Variants in RBFOX1 observed in about 807,000 individuals in gnomAD.
RBFOX1 encodes RNA binding fox-1 homolog 1, also known as RNA binding protein fox-1 homolog 1.
Under a neutral mutation model 57.7 loss-of-function variants are expected in RBFOX1, and 8 were observed. The ratio of observed to expected loss-of-function variants is 0.14; its 90% confidence interval spans 0.08 to 0.25. RBFOX1 has a LOEUF of 0.25. RBFOX1 is among the 10% of genes least tolerant of loss of function. The probability of loss-of-function intolerance (pLI) is 1.00; values close to 1 mark genes in which losing one functional copy is unlikely to be tolerated. For missense variants in RBFOX1, 611 were observed against 548.5 expected (o/e 1.11, Z -1.14); for synonymous variants, 326 against 222.4 (o/e 1.47, Z -4.15).
At chr16:7,465,004 C>G (rs778695787) in intron 4 of RBFOX1, among the ~76,000 whole-genome samples, 45 of 151,932 alleles carry the variant, frequency 3.0e-4, no homozygotes, top group Non-Finnish European at 2.2e-4. Flanking sequence ...GCTATTGTCT[C>G]TCTTCTATCC....
At chr16:6,777,313 A>T (rs964887361) in intron 3 of RBFOX1, among the ~76,000 whole-genome samples, 4 of 152,120 alleles carry the variant, frequency 2.6e-5, no homozygotes, top group Non-Finnish European at 5.9e-5. Flanking sequence ...GCATTTTAGC[A>T]AGGTATTTTG....
chr16:6,387,151 C>G (rs1271389075), intron 2 of RBFOX1, among the ~76,000 whole-genome samples: 1 of 152,160 alleles, frequency 6.6e-6, no homozygotes, highest in Non-Finnish European at 1.5e-5. Flanking sequence ...GTTGGTGACC[C>G]TGAAGGATGA....
intron 4 of RBFOX1, among the ~76,000 whole-genome samples, chr16:7,175,714 C>G (rs1473939985): frequency 1.3e-5 from 2 of 152,180 alleles, no homozygotes; most frequent in Non-Finnish European, 2.9e-5. Flanking sequence ...GTTACCTCTT[C>G]CAGCCACGCA....
At chr16:7,500,261 C>A (rs1392225352) in intron 4 of RBFOX1, among the ~76,000 whole-genome samples, 1 of 152,170 alleles carries the variant, frequency 6.6e-6, no homozygotes, top group Non-Finnish European at 1.5e-5. Flanking sequence ...CTTGGCTCTT[C>A]ACTTGCCAAG....
chr16:7,612,200 A>G (rs982313452), intron 10 of RBFOX1, among the ~76,000 whole-genome samples: 3 of 151,820 alleles, frequency 2.0e-5, no homozygotes, highest in African/African-American at 7.3e-5. Context: ...GGGCGCCTGT[A>G]GTCCCAGCTA....
intron 2 of RBFOX1, among the ~76,000 whole-genome samples, chr16:5,579,580 G>C (rs952327281): frequency 6.6e-6 from 1 of 152,024 alleles, no homozygotes; most frequent in Non-Finnish European, 1.5e-5. Context: ...TCGCCCTGCT[G>C]CTCAAACCAC....
intron 4 of RBFOX1, among the ~76,000 whole-genome samples, chr16:7,066,347 G>T (rs1369987161): frequency 6.6e-6 from 1 of 152,176 alleles, no homozygotes; most frequent in African/African-American, 2.4e-5. Context: ...TTTTTAGAAA[G>T]GAGCTAAAAT....
chr16:6,145,509 GT>G (rs112768564), intron 1 of RBFOX1, among the ~76,000 whole-genome samples: 5,150 of 152,194 alleles, frequency 0.034, 242 homozygotes, highest in African/African-American at 0.11. Flanking sequence ...GTGTGCGTGT[GT>G]CTTTGTATTA....
At chr16:7,481,975 C>A (rs1351422805) in intron 4 of RBFOX1, among the ~76,000 whole-genome samples, 2 of 152,168 alleles carry the variant, frequency 1.3e-5, no homozygotes, top group Admixed American at 1.3e-4. Context: ...ACGCGAGATA[C>A]GGTTTCTCCT....
intron 3 of RBFOX1, among the ~76,000 whole-genome samples, chr16:5,623,647 C>A (rs1480505076): frequency 6.6e-6 from 1 of 152,010 alleles, no homozygotes. Context: ...TACCCCTTCC[C>A]CCAGCTGCTT....
At chr16:6,669,523 T>C (rs1291611244) in intron 3 of RBFOX1, among the ~76,000 whole-genome samples, 6 of 152,228 alleles carry the variant, frequency 3.9e-5, no homozygotes, top group Non-Finnish European at 1.5e-5. Context: ...GTAAAAATTA[T>C]ATGTTTAAGA....
At chr16:5,923,548 T>C (rs922778069) in intron 4 of RBFOX1, among the ~76,000 whole-genome samples, 6 of 130,436 alleles carry the variant, frequency 4.6e-5, no homozygotes, top group Non-Finnish European at 1.0e-4. Context: ...TTTTTTTTTT[T>C]TTCTTTTTTT....
intron 4 of RBFOX1, among the ~76,000 whole-genome samples, chr16:7,346,716 A>G (rs1243633252): frequency 6.6e-6 from 1 of 152,026 alleles, no homozygotes; most frequent in Non-Finnish European, 1.5e-5. Flanking sequence ...CTTATCTCTG[A>G]TCAATAACTG....
chr16:5,304,063 C>G (rs1276058329), intron 1 of RBFOX1, among the ~76,000 whole-genome samples: 1 of 152,168 alleles, frequency 6.6e-6, no homozygotes. Flanking sequence ...TCTAATTTTA[C>G]TTAAATTTCC....
chr16:7,649,660 C>G (rs929144762), intron 11 of RBFOX1, among the ~76,000 whole-genome samples: 1 of 152,188 alleles, frequency 6.6e-6, no homozygotes, highest in Admixed American at 6.5e-5. Flanking sequence ...AGAAGGAAGA[C>G]AAACATTGGT....
intron 2 of RBFOX1, among the ~76,000 whole-genome samples, chr16:6,473,258 T>C (rs1482244094): frequency 6.6e-6 from 1 of 152,216 alleles, no homozygotes; most frequent in African/African-American, 2.4e-5. Flanking sequence ...CGAGGCTTTT[T>C]GTTGGCAGGG....
At chr16:7,013,151 A>C (rs1189533919) in intron 3 of RBFOX1, among the ~76,000 whole-genome samples, 1 of 152,120 alleles carries the variant, frequency 6.6e-6, no homozygotes, top group Non-Finnish European at 1.5e-5. Flanking sequence ...TTCACATACA[A>C]ATTTGTGGTG....
At chr16:5,840,564 G>A (rs1351541733) in intron 3 of RBFOX1, among the ~76,000 whole-genome samples, 3 of 152,274 alleles carry the variant, frequency 2.0e-5, no homozygotes, top group Admixed American at 6.5e-5. Flanking sequence ...TAAACACTGA[G>A]CTCTACAAGA....
chr16:6,961,827 G>A (rs1237267176), intron 3 of RBFOX1, among the ~76,000 whole-genome samples: 1 of 152,172 alleles, frequency 6.6e-6, no homozygotes, highest in Non-Finnish European at 1.5e-5. Flanking sequence ...ATAATGAGCA[G>A]TGAGAGCAAA....
Sources: gnomAD v4.1 joint callset for allele counts (sites outside exome capture counted in the v4.1 genomes callset) on GRCh38, gnomAD v4.1.1 for gene constraint, MANE v1.5 for transcripts, NCBI Gene and HGNC (gene_info 2026-07-23, HGNC 2026-07-21) for gene names.